CDKN2B-AS1: variants seen among roughly 807,000 people sequenced by gnomAD.
CDKN2B-AS1 encodes CDKN2B antisense RNA 1 (non-protein coding).
At position 22,060,500 on chromosome 9, in the gene CDKN2B-AS1, C is replaced by A. The variant is rs1823770081; in HGVS notation, n.438+4113C>A. Among the ~76,000 whole-genome samples, 4 of 152,166 alleles carry A rather than the reference C, an allele frequency of 2.6e-5. No individual in the cohort carries two copies. The South Asian group carries it at 8.3e-4, about 32-fold the overall frequency. ...TGGCATTTTGGACAAAGCCATTAAA[C>A]AAATCTCTAGGAAATTCTAAGCATT... On this transcript the variant is annotated intron_variant and non_coding_transcript_variant, in intron 4 of 4. Transcript: ENST00000650946.
intron 4 of CDKN2B-AS1, among the ~76,000 whole-genome samples, chr9:22,081,732 T>G (rs536101041): frequency 3.6e-4 from 55 of 152,360 alleles, no homozygotes; most frequent in African/African-American, 8.4e-4. Flanking sequence ...TCTCTGACAC[T>G]TTTCCCTCTG....
chr9:22,093,282 A>G (rs1825159437), intron 4 of CDKN2B-AS1, among the ~76,000 whole-genome samples: 1 of 137,556 alleles, frequency 7.3e-6, no homozygotes, highest in Non-Finnish European at 1.6e-5. Context: ...GGTTCTGAGA[A>G]GAATGTATAT....
At chr9:22,092,760 T>C (rs1825137838) in intron 4 of CDKN2B-AS1, among the ~76,000 whole-genome samples, 1 of 152,162 alleles carries the variant, frequency 6.6e-6, no homozygotes, top group African/African-American at 2.4e-5. Flanking sequence ...TTGTTGATCT[T>C]TTCAAAAAAC....
intron 1 of CDKN2B-AS1, among the ~76,000 whole-genome samples, chr9:22,029,056 A>AT (rs1252112432): frequency 2.1e-5 from 2 of 95,590 alleles, no homozygotes; most frequent in East Asian, 8.0e-4. Flanking sequence ...CCATACAAAA[A>AT]TTAAAAAAAA....
chr9:22,036,568 T>C (rs2131256752), intron 1 of CDKN2B-AS1, among the ~76,000 whole-genome samples: 1 of 152,264 alleles, frequency 6.6e-6, no homozygotes, highest in African/African-American at 2.4e-5. Flanking sequence ...TCTTTTAAAA[T>C]TGTGAGATAT....
intron 4 of CDKN2B-AS1, among the ~76,000 whole-genome samples, chr9:22,106,232 G>A (rs1352933643): frequency 1.3e-5 from 2 of 152,042 alleles, no homozygotes; most frequent in East Asian, 1.9e-4. Flanking sequence ...ACAGGCACAC[G>A]CCACCATGCC....
rs1454532562 is a variant in CDKN2B-AS1 at position 21,999,087 on chromosome 9, C to A, written n.29+3926C>A. 6.6e-6 allele frequency among the ~76,000 whole-genome samples: 1 copy of A among 151,976 alleles called. No individual in the cohort carries two copies. Among genetic ancestry groups the A allele is most frequent in the Non-Finnish European group, 1.5e-5 (1 of 67,970 alleles). ...AAACAGAAACAATGGCATATAACCACAAGTGTGGCAAAAAGAAAAAAGACT... is the reference window on the plus strand; with the variant it reads ...AAACAGAAACAATGGCATATAACCAAAAGTGTGGCAAAAAGAAAAAAGACT... On this transcript the variant is annotated intron_variant and non_coding_transcript_variant, in intron 1 of 4. Coordinates refer to ENST00000650946, the Ensembl canonical transcript of CDKN2B-AS1. The surrounding 1 kb of genome is among the most constrained non-coding windows in gnomAD (Gnocchi z 4.7).
intron 4 of CDKN2B-AS1, among the ~76,000 whole-genome samples, chr9:22,123,952 T>A (rs1007861233): frequency 3.9e-5 from 6 of 152,210 alleles, no homozygotes; most frequent in Non-Finnish European, 8.8e-5. Flanking sequence ...ACTGAAAATA[T>A]AAATAAAAAC....
intron 4 of CDKN2B-AS1, among the ~76,000 whole-genome samples, chr9:22,074,281 C>G (rs950219767): frequency 1.3e-5 from 2 of 152,128 alleles, no homozygotes; most frequent in African/African-American, 2.4e-5. Flanking sequence ...TTTGGTAAAA[C>G]TAGTAGTCCC....
chr9:22,031,648 A>G (rs1184830740), intron 1 of CDKN2B-AS1, among the ~76,000 whole-genome samples: 1 of 152,234 alleles, frequency 6.6e-6, no homozygotes, highest in East Asian at 1.9e-4. Context: ...AAAAGATGAA[A>G]CAAAGAAACT....
chr9:22,009,191 G>C (rs1322950618), intron 1 of CDKN2B-AS1: 1 of 630,424 alleles, frequency 1.6e-6, no homozygotes, highest in African/African-American at 1.8e-5. Flanking sequence ...GGCGCGCCTG[G>C]ATTGCTTCTG....
chr9:22,069,854 C>G (rs1444462018), intron 4 of CDKN2B-AS1, among the ~76,000 whole-genome samples: 1 of 152,100 alleles, frequency 6.6e-6, no homozygotes, highest in Non-Finnish European at 1.5e-5. Context: ...CTGGTAACCA[C>G]TGTTCTATTC....
intron 4 of CDKN2B-AS1, among the ~76,000 whole-genome samples, chr9:22,115,950 G>A (rs59995170): frequency 0.02 from 3,062 of 152,108 alleles, 138 homozygotes; most frequent in East Asian, 0.18. Context: ...ACTCCTGTTC[G>A]GATCCCTTCA....
At position 22,039,289 on chromosome 9, in the gene CDKN2B-AS1, C is replaced by T. The variant is rs1025781250; in HGVS notation, n.30-7462C>T. ...CTGGTTTAATTTCCTGTGAGCTTCC[C>T]ATGTTCTCTCCCTGCAAGGACCACC... On this transcript the variant is annotated intron_variant and non_coding_transcript_variant, in intron 1 of 4. Transcript: ENST00000650946. The surrounding 1 kb of genome is among the most constrained non-coding windows in gnomAD (Gnocchi z 4.4). Among the ~76,000 whole-genome samples the T allele has an allele frequency of 6.6e-6, 1 of 151,930 alleles. No individual in the cohort carries two copies. The highest frequency in any genetic ancestry group is 2.4e-5 in the African/African-American group (1 of 41,388).
At chr9:22,100,415 G>A (rs1825442979) in intron 4 of CDKN2B-AS1, among the ~76,000 whole-genome samples, 1 of 152,104 alleles carries the variant, frequency 6.6e-6, no homozygotes, top group African/African-American at 2.4e-5. Context: ...ACAAAAGGTG[G>A]TGTTCTGTGT....
chr9:22,078,276 T>C (rs1304572991), intron 4 of CDKN2B-AS1, among the ~76,000 whole-genome samples: 3 of 152,322 alleles, frequency 2.0e-5, no homozygotes, highest in East Asian at 3.9e-4. Flanking sequence ...TTTTTTTTTT[T>C]CAGATTTTGG....
intron 4 of CDKN2B-AS1, among the ~76,000 whole-genome samples, chr9:22,085,863 G>A (rs919119588): frequency 1.3e-5 from 2 of 151,684 alleles, no homozygotes; most frequent in Non-Finnish European, 2.9e-5. Flanking sequence ...TTGTTGCCTG[G>A]ATTAGGTTTT....
chr9:22,009,053 C>T (rs1444535531), intron 1 of CDKN2B-AS1: 1 of 1,565,940 alleles, frequency 6.4e-7, no homozygotes, highest in Non-Finnish European at 8.8e-7. Flanking sequence ...GGCGCACTCT[C>T]TCCTTCCTAG....
chr9:22,033,110 T>C (rs1429815859), intron 1 of CDKN2B-AS1: 2 of 152,034 alleles, frequency 1.3e-5, no homozygotes, highest in Admixed American at 6.6e-5. Context: ...GCGCCCTTTA[T>C]GAGAATCTAA....
Sources: allele counts gnomAD v4.1 joint callset (sites outside exome capture counted in the v4.1 genomes callset), GRCh38; gene constraint gnomAD v4.1.1; non-coding constraint Gnocchi (gnomAD v3.1); transcripts MANE v1.5; gene names NCBI Gene and HGNC (gene_info 2026-07-23, HGNC 2026-07-21).